HPGDS: variants seen among roughly 807,000 people sequenced by gnomAD.
HPGDS encodes GST class-sigma.
Under a neutral mutation model 23.1 loss-of-function variants are expected in HPGDS, and 26 were observed. That is an observed-to-expected ratio of 1.13 (90% CI 0.83 to 1.56). The LOEUF (loss-of-function observed/expected upper bound fraction) is 1.56. Ranked by LOEUF, HPGDS falls within the 40% of genes most tolerant of loss-of-function variation. HPGDS has a pLI of 0.00. For missense variants in HPGDS, 268 were observed against 236.4 expected (o/e 1.13, Z -0.88); for synonymous variants, 95 against 77.9 (o/e 1.22, Z -1.16).
In HPGDS at chr4:94,299,536, G is replaced by C; in HGVS notation, c.544C>G (p.Gln182Glu). Reference sequence around the variant, plus strand: ...CAGTTAGCGACGGCAGGAATGGCTTGGACTTTCTTCCGTAAAGTCACCAGC... The same window carrying C: ...CAGTTAGCGACGGCAGGAATGGCTTCGACTTTCTTCCGTAAAGTCACCAGC... ...PRLVTLRKKV[Q>E]AIPAVANWIK... The change falls in exon 6 of 6, where the codon CAA becomes GAA. Residue 182 changes from glutamine (Q) to glutamate (E), a missense_variant. Physicochemically the swap from Gln to Glu is conservative, Grantham distance 29 (BLOSUM62 2). Transcript: ENST00000295256. The C allele has an allele frequency of 2.5e-6, 4 of 1,613,800 alleles. No homozygotes were observed. The highest frequency in any genetic ancestry group is 3.4e-6 in the Non-Finnish European group (4 of 1,179,954).
In HPGDS at chr4:94,302,204, T is replaced by G; in HGVS notation, c.377A>C (p.His126Pro). 1 of 1,612,744 alleles carries G rather than the reference T, an allele frequency of 6.2e-7. No individual in the cohort carries two copies. Among genetic ancestry groups the G allele is most frequent in the Non-Finnish European group, 8.5e-7 (1 of 1,179,052 alleles). The change falls in exon 5 of 6, where the codon CAT becomes CCT. Residue 126 changes from histidine (H) to proline (P), a missense_variant. Coordinates refer to ENST00000295256, the MANE Select transcript of HPGDS (RefSeq NM_014485.3). Reference protein sequence around the residue: ...FNELLTYNAPHLMQDLDTYLG... With the variant: ...FNELLTYNAPPLMQDLDTYLG... Reference sequence around the variant, plus strand: ...ATATGTGTCCAAGTCTTGCATAAGATGAGGCGCATTATACGTGAGCAGCTC... The same window carrying G: ...ATATGTGTCCAAGTCTTGCATAAGAGGAGGCGCATTATACGTGAGCAGCTC...
chr4:94,323,634 C>T (rs1016259211), intron 2 of HPGDS, among the ~76,000 whole-genome samples: 7 of 152,006 alleles, frequency 4.6e-5, no homozygotes, highest in African/African-American at 1.7e-4. Flanking sequence ...TCCTCCATCC[C>T]TTTATTTTGA....
rs1560598005 is a variant in HPGDS at position 94,340,311 on chromosome 4, C to CTTTTTCTTTTCTTTTTTTTTTTTTTTTT, written c.-10+2483_-10+2484insAAAAAAAAAAAAAAAAAGAAAAGAAAAA. On this transcript the variant is annotated intron_variant, in intron 1 of 5. Transcript: ENST00000295256. ...TTTCTTTCTTTCTTTCTTTCTTTCTCTTTTTTTTTTTTTTTTTTTTTTTTT... is the reference window on the plus strand; with the variant it reads ...TTTCTTTCTTTCTTTCTTTCTTTCTCTTTTTCTTTTCTTTTTTTTTTTTTTTTTTTTTTTTTTTTTTTTTTTTTTTTTT... Among the ~76,000 whole-genome samples, 7 of 23,684 alleles carry CTTTTTCTTTTCTTTTTTTTTTTTTTTTT rather than the reference C, an allele frequency of 3.0e-4. 2 individuals carry two copies. Among genetic ancestry groups the CTTTTTCTTTTCTTTTTTTTTTTTTTTTT allele is most frequent in the Non-Finnish European group, 3.5e-4 (4 of 11,510 alleles). 15.5% of individuals were successfully genotyped at this position (23,684 alleles called of 152,430 possible). A position where few individuals can be genotyped will look rare whatever the true frequency, so the allele number is the denominator to read the frequency against.
chr4:94,302,537 T>C (rs1756063483), intron 4 of HPGDS, among the ~76,000 whole-genome samples: 1 of 152,098 alleles, frequency 6.6e-6, no homozygotes, highest in Admixed American at 6.6e-5. Context: ...TTTTCTTAAA[T>C]TTACTAAAGT....
intron 2 of HPGDS, among the ~76,000 whole-genome samples, chr4:94,320,160 A>T (rs1278348132): frequency 1.3e-5 from 2 of 152,124 alleles, no homozygotes; most frequent in East Asian, 3.9e-4. Flanking sequence ...CCTGTCTAAC[A>T]CTGATGGACA....
chr4:94,320,100 T>C (rs1341386072), intron 2 of HPGDS, among the ~76,000 whole-genome samples: 4 of 152,222 alleles, frequency 2.6e-5, no homozygotes, highest in African/African-American at 7.2e-5. Flanking sequence ...CTCATCCTTT[T>C]TTATGGCTGC....
rs1756328783 is a variant in HPGDS at position 94,313,611 on chromosome 4, G to A, written c.226+4262C>T. Among the ~76,000 whole-genome samples, 2 of 149,474 alleles carry A rather than the reference G, an allele frequency of 1.3e-5. 1 individual carries two copies. Among genetic ancestry groups the A allele is most frequent in the Non-Finnish European group, 3.0e-5 (2 of 67,588 alleles). On this transcript the variant is annotated intron_variant, in intron 3 of 5. Transcript: ENST00000295256. ...CAACTTTGGTGAATCTGACAATTAT[G>A]TGTCTTGGAGTTGCTCTTCTCGAGG...
chr4:94,336,720 TG>T (rs1281653447), intron 1 of HPGDS, among the ~76,000 whole-genome samples: 1 of 152,176 alleles, frequency 6.6e-6, no homozygotes, highest in Non-Finnish European at 1.5e-5. Flanking sequence ...ACAATGGAAC[TG>T]TTTTCCAGGT....
At chr4:94,325,653 G>T (rs182861091) in intron 2 of HPGDS, among the ~76,000 whole-genome samples, 2 of 152,298 alleles carry the variant, frequency 1.3e-5, no homozygotes, top group Non-Finnish European at 1.5e-5. Context: ...GCAGTATTTG[G>T]GTGGCAGTGT....
At chr4:94,304,027 T>TC (rs947403302) in intron 4 of HPGDS, 1 of 151,540 alleles carries the variant, frequency 6.6e-6, no homozygotes, top group Non-Finnish European at 1.5e-5. Context: ...TTACACTTCT[T>TC]TTTTTTTCCA....
intron 1 of HPGDS, among the ~76,000 whole-genome samples, chr4:94,340,252 G>A (rs1345334348): frequency 7.5e-6 from 1 of 132,860 alleles, no homozygotes; most frequent in African/African-American, 2.7e-5. Context: ...CACTGTGCCT[G>A]GTCTAAACCT....
chr4:94,342,656 G>T (rs1271060404), intron 1 of HPGDS, 139 bp downstream of exon 1: 2 of 152,090 alleles, frequency 1.3e-5, no homozygotes, highest in African/African-American at 2.4e-5. Context: ...GGTAAGACAA[G>T]GTCAGAGTGA....
intron 5 of HPGDS, 90 bp downstream of exon 5, chr4:94,302,056 T>C: frequency 1.3e-6 from 1 of 758,980 alleles, no homozygotes; most frequent in South Asian, 2.1e-5. Flanking sequence ...ATCCCCTCCC[T>C]ATAGGTAACT....
At chr4:94,333,681 A>T (rs1756770227) in intron 2 of HPGDS, among the ~76,000 whole-genome samples, 1 of 152,226 alleles carries the variant, frequency 6.6e-6, no homozygotes, top group Non-Finnish European at 1.5e-5. Context: ...AAATACAGAA[A>T]TTCCATTTTT....
chr4:94,308,173 A>ACTGT (rs1434931892), intron 4 of HPGDS, among the ~76,000 whole-genome samples: 1 of 152,176 alleles, frequency 6.6e-6, no homozygotes, highest in African/African-American at 2.4e-5. Flanking sequence ...TATTTTCAAT[A>ACTGT]ATTTTGCACA....
chr4:94,321,535 G>C (rs1756509120), intron 2 of HPGDS, among the ~76,000 whole-genome samples: 1 of 152,116 alleles, frequency 6.6e-6, no homozygotes, highest in African/African-American at 2.4e-5. Context: ...ATTGTGAATG[G>C]GAGTTAATTC....
intron 2 of HPGDS, among the ~76,000 whole-genome samples, chr4:94,329,576 C>G (rs1756700099): frequency 1.3e-5 from 2 of 152,182 alleles, no homozygotes; most frequent in Middle Eastern, 3.4e-3. Context: ...ATTCTGAGTA[C>G]CTCTGAAATG....
At chr4:94,325,454 A>G (rs1756611285) in intron 2 of HPGDS, among the ~76,000 whole-genome samples, 1 of 152,116 alleles carries the variant, frequency 6.6e-6, no homozygotes, top group South Asian at 2.1e-4. Context: ...CAAGCTTCCC[A>G]GCCGCTTTGT....
chr4:94,314,420 C>T (rs985806140), intron 3 of HPGDS, among the ~76,000 whole-genome samples: 6 of 152,100 alleles, frequency 3.9e-5, no homozygotes, highest in African/African-American at 1.4e-4. Context: ...ACCCTTTTTG[C>T]CTGGGTATCA....
Sources: allele counts gnomAD v4.1 joint callset (sites outside exome capture counted in the v4.1 genomes callset), GRCh38; gene constraint gnomAD v4.1.1; transcripts MANE v1.5; gene names NCBI Gene and HGNC (gene_info 2026-07-23, HGNC 2026-07-21).